Variants in FSTL4 observed in about 807,000 individuals in gnomAD.
FSTL4 encodes follistatin like 4.
A neutral mutation model predicts 78.2 loss-of-function variants in FSTL4; 28 were observed. The ratio of observed to expected loss-of-function variants is 0.36; its 90% CI spans 0.27 to 0.49. FSTL4 has a LOEUF of 0.49. FSTL4 is among the 20% of genes least tolerant of loss of function. The probability of loss-of-function intolerance (pLI) is 0.98; values close to 1 mark genes in which losing one functional copy is unlikely to be tolerated. For synonymous variants in FSTL4, 422 were observed against 440.5 expected, an observed-to-expected ratio of 0.96 and a Z score of 0.53; for missense variants, 922 against 1,084.9, an observed-to-expected ratio of 0.85 and a Z score of 2.11.
intron 4 of FSTL4, among the ~76,000 whole-genome samples, chr5:133,345,270 G>A (rs564388783): frequency 6.6e-6 from 1 of 152,226 alleles, no homozygotes; most frequent in South Asian, 2.1e-4. Context: ...TTTAGATGGG[G>A]TTGTTTTTCT....
chr5:133,377,141 G>A (rs577257090), intron 4 of FSTL4, among the ~76,000 whole-genome samples: 1 of 152,280 alleles, frequency 6.6e-6, no homozygotes, highest in South Asian at 2.1e-4. Flanking sequence ...CTAAATTCCA[G>A]GCAAATGCAA....
At chr5:133,562,604 A>G (rs1003401155) in intron 3 of FSTL4, among the ~76,000 whole-genome samples, 2 of 152,040 alleles carry the variant, frequency 1.3e-5, no homozygotes, top group Non-Finnish European at 2.9e-5. Flanking sequence ...GGGTTCCCTC[A>G]CAGCCTTGCT....
At chr5:133,651,780 G>T in the FSTL4 span, among the ~76,000 whole-genome samples, 1 of 152,072 alleles carries the variant, frequency 6.6e-6, no homozygotes. Flanking sequence ...TTTGGTATTG[G>T]AGTAATGCTG....
chr5:133,776,796 G>C, the FSTL4 span, among the ~76,000 whole-genome samples: 1 of 152,158 alleles, frequency 6.6e-6, no homozygotes, highest in Non-Finnish European at 1.5e-5. Context: ...CACCAAGGTA[G>C]GTCTCTAACC....
At chr5:133,543,925 T>C (rs1464126207) in intron 3 of FSTL4, among the ~76,000 whole-genome samples, 1 of 152,144 alleles carries the variant, frequency 6.6e-6, no homozygotes, top group East Asian at 1.9e-4. Flanking sequence ...ACTTGAAAGT[T>C]ATGCTTTGTT....
intron 4 of FSTL4, among the ~76,000 whole-genome samples, chr5:133,374,200 A>T (rs1342558634): frequency 6.6e-6 from 1 of 152,194 alleles, no homozygotes; most frequent in Non-Finnish European, 1.5e-5. Flanking sequence ...CTGGGCACAA[A>T]GGATTTTATT....
At chr5:133,634,404 C>G in the FSTL4 span, among the ~76,000 whole-genome samples, 1 of 144,806 alleles carries the variant, frequency 6.9e-6, no homozygotes, top group South Asian at 2.1e-4. Context: ...TTTTTTTTTT[C>G]CTCTGTACCT....
At chr5:133,645,882 G>A in the FSTL4 span, among the ~76,000 whole-genome samples, 3 of 152,126 alleles carry the variant, frequency 2.0e-5, no homozygotes, top group South Asian at 4.1e-4. Flanking sequence ...ATGGCCCTCC[G>A]AACACCTTGA....
intron 11 of FSTL4, 189 bp from the exon 12 acceptor site, chr5:133,221,055 C>T (rs924820893): frequency 2.9e-6 from 2 of 682,930 alleles, no homozygotes; most frequent in Non-Finnish European, 5.4e-6. Flanking sequence ...GAGAGGGCCC[C>T]CCAGGACTAT....
intron 3 of FSTL4, among the ~76,000 whole-genome samples, chr5:133,509,288 T>C (rs1244848131): frequency 6.6e-6 from 1 of 152,168 alleles, no homozygotes; most frequent in Non-Finnish European, 1.5e-5. Flanking sequence ...CTCTGGGCTC[T>C]GGATTCTCAA....
At chr5:133,204,579 C>G in intron 14 of FSTL4, among the ~76,000 whole-genome samples, 1 of 152,084 alleles carries the variant, frequency 6.6e-6, no homozygotes, top group Non-Finnish European at 1.5e-5. Flanking sequence ...CACCTGTAAT[C>G]CCAGTACTTT....
chr5:133,819,999 C>A, the FSTL4 span, among the ~76,000 whole-genome samples: 4 of 152,180 alleles, frequency 2.6e-5, no homozygotes, highest in Non-Finnish European at 4.4e-5. Flanking sequence ...CAAGGTCACA[C>A]AACTATAGAA....
intron 7 of FSTL4, among the ~76,000 whole-genome samples, chr5:133,234,299 G>A (rs569470965): frequency 3.3e-5 from 5 of 152,326 alleles, no homozygotes; most frequent in African/African-American, 9.6e-5. Context: ...AAGGGCGGAT[G>A]CCCATGGGTT....
intron 2 of FSTL4, among the ~76,000 whole-genome samples, chr5:133,579,936 A>T (rs1236097223): frequency 1.3e-5 from 2 of 152,286 alleles, no homozygotes; most frequent in African/African-American, 4.8e-5. Context: ...GCCTCTGAGA[A>T]GGTGAGCAAG....
At chr5:133,357,246 C>A (rs1025610867) in intron 4 of FSTL4, among the ~76,000 whole-genome samples, 1 of 152,166 alleles carries the variant, frequency 6.6e-6, no homozygotes, top group Admixed American at 6.5e-5. Context: ...CAGTCCCCCT[C>A]CTGTTTGTGC....
At chr5:133,841,882 A>G in the FSTL4 span, among the ~76,000 whole-genome samples, 2 of 152,256 alleles carry the variant, frequency 1.3e-5, no homozygotes, top group Admixed American at 6.5e-5. Context: ...GAGAGAGCTC[A>G]GCAGAAAAAG....
intron 4 of FSTL4, among the ~76,000 whole-genome samples, chr5:133,383,759 C>T (rs956054422): frequency 1.3e-5 from 2 of 152,176 alleles, no homozygotes; most frequent in African/African-American, 4.8e-5. Flanking sequence ...TGATTAAATA[C>T]CCAGATTCCC....
chr5:133,803,544 G>A, the FSTL4 span, among the ~76,000 whole-genome samples: 38 of 152,050 alleles, frequency 2.5e-4, no homozygotes, highest in African/African-American at 8.0e-4. Context: ...GTCCCAGACC[G>A]TCTCTCCTCC....
chr5:133,258,274 C>G lies in FSTL4; in HGVS notation c.728-8698G>C, dbSNP rs527931993. Among the ~76,000 whole-genome samples, 6 of 152,284 alleles carry G rather than the reference C, an allele frequency of 3.9e-5. No homozygotes were observed. The South Asian group carries it at 1.0e-3, about 26-fold the overall frequency. ...TACCTTGACTGGGCCACAAGGCACC[C>G]AGATATTTGTTCGAGCATTATCCTG... is the stretch of plus-strand genomic sequence containing the variant. On this transcript the variant is annotated intron_variant, in intron 6 of 15. Transcript: ENST00000265342.
Sources: allele counts gnomAD v4.1 joint callset (sites outside exome capture counted in the v4.1 genomes callset), GRCh38; gene constraint gnomAD v4.1.1; transcripts MANE v1.5; gene names NCBI Gene and HGNC (gene_info 2026-07-23, HGNC 2026-07-21).